OSBPL10: variants seen among roughly 807,000 people sequenced by gnomAD.
OSBPL10 encodes oxysterol-binding protein-related protein 10.
In OSBPL10, 49 loss-of-function variants were observed where a neutral mutation model predicts 81.7. The ratio of observed to expected loss-of-function variants is 0.60; its 90% CI spans 0.48 to 0.76. The LOEUF (loss-of-function observed/expected upper bound fraction) is 0.76, where lower values mean the gene tolerates loss of function less well. Among genes scored for constraint, OSBPL10 ranks in the 30% least tolerant of loss-of-function variants. OSBPL10 has a pLI of 0.00. For missense variants in OSBPL10, 923 were observed against 987.8 expected (o/e 0.93, Z 0.88); for synonymous variants, 419 against 383.6 (o/e 1.09, Z -1.08).
intron 1 of OSBPL10, among the ~76,000 whole-genome samples, chr3:31,945,309 C>T (rs1697668163): frequency 6.6e-6 from 1 of 152,070 alleles, no homozygotes; most frequent in South Asian, 2.1e-4. Flanking sequence ...GTTACAGTCC[C>T]CAAAGTCAAC....
At chr3:31,854,508 G>T (rs566940009) in intron 3 of OSBPL10, among the ~76,000 whole-genome samples, 1 of 152,074 alleles carries the variant, frequency 6.6e-6, no homozygotes, top group East Asian at 1.9e-4. Context: ...TTCTCCCAAA[G>T]AATATATACT....
chr3:31,791,128 A>AT (rs1698997342), intron 4 of OSBPL10, among the ~76,000 whole-genome samples: 1 of 152,200 alleles, frequency 6.6e-6, no homozygotes, highest in Non-Finnish European at 1.5e-5. Context: ...AAAACAAAAC[A>AT]TTTTTTGTTT....
intron 1 of OSBPL10, among the ~76,000 whole-genome samples, chr3:31,914,241 C>A (rs190572452): frequency 6.6e-6 from 1 of 152,028 alleles, no homozygotes; most frequent in Non-Finnish European, 1.5e-5. Context: ...ATTTTTAAGA[C>A]GGTCCTAACC....
At chr3:31,960,115 T>C (rs906412445) in intron 1 of OSBPL10, 4 of 152,186 alleles carry the variant, frequency 2.6e-5, no homozygotes, top group Non-Finnish European at 5.9e-5. Flanking sequence ...ATCTTAGCAC[T>C]TTGCTGAGTG....
intron 3 of OSBPL10, among the ~76,000 whole-genome samples, chr3:31,834,863 A>C (rs892551044): frequency 6.6e-6 from 1 of 152,142 alleles, no homozygotes; most frequent in Non-Finnish European, 1.5e-5. Context: ...CTGAGTTCAA[A>C]TCTGGGCTCC....
At position 31,911,810 on chromosome 3, in the gene OSBPL10, C is replaced by A. The variant is rs533460223; in HGVS notation, c.282-31980G>T. On this transcript the variant is annotated intron_variant, in intron 1 of 11. Transcript: ENST00000396556. ...AGGGAACATGCAAAAGTTAGTCATT[C>A]TCCTTCCATAAGTCTAGCTATATTA... Among the ~76,000 whole-genome samples, 81 of 152,258 alleles carry A rather than the reference C, an allele frequency of 5.3e-4. 1 individual carries two copies. In the South Asian group the frequency reaches 0.017, roughly 31 times the overall value.
At chr3:31,874,490 C>A (rs72851815) in intron 3 of OSBPL10, among the ~76,000 whole-genome samples, 2,809 of 152,102 alleles carry the variant, frequency 0.018, 85 homozygotes, top group African/African-American at 0.064. Flanking sequence ...CAAAAAAAAT[C>A]CTTTGTACAC....
At chr3:31,881,377 A>G (rs1305414036) in intron 1 of OSBPL10, among the ~76,000 whole-genome samples, 1 of 152,184 alleles carries the variant, frequency 6.6e-6, no homozygotes, top group Admixed American at 6.5e-5. Flanking sequence ...GAGGCAATGC[A>G]ACATATTTTA....
chr3:31,795,046 A>G lies in OSBPL10; in HGVS notation c.729+34994T>C, dbSNP rs1265388153. On this transcript the variant is annotated intron_variant, in intron 4 of 11. Transcript: ENST00000396556. ...ATTACACCAGCAAGAGGCTACTCAC[A>G]ATGTAGAGAAGACAAACACTGAAAC... 5 of 203,026 alleles carry G rather than the reference A, an allele frequency of 2.5e-5. No individual in the cohort carries two copies. The East Asian group carries it at 4.5e-4, about 18-fold the overall frequency. The allele number at this position is 203,026 out of a possible 1,614,324, so 12.6% of individuals were successfully genotyped here. A position where few individuals can be genotyped will look rare whatever the true frequency, so the allele number is the denominator to read the frequency against.
At chr3:32,040,986 C>T (rs1265643876) in intron 2 of OSBPL10, among the ~76,000 whole-genome samples, 1 of 152,214 alleles carries the variant, frequency 6.6e-6, no homozygotes, top group African/African-American at 2.4e-5. Context: ...TAGAACTAGA[C>T]CTCAAGAAGC....
At position 32,066,025 on chromosome 3, in the gene OSBPL10, G is replaced by GAA. The variant is rs1458321683; in HGVS notation, n.185+11370_185+11371insTT. On this transcript the variant is annotated intron_variant and non_coding_transcript_variant, in intron 1 of 3. Transcript: ENST00000479173. The stretch of plus-strand genomic sequence containing the variant: ...AAAGAAAGAGAAAGAAAGAAAGAAA[G>GAA]AGAGAGAGAGAGAAAGAGAAAGAGA... 9.4e-4 allele frequency among the ~76,000 whole-genome samples: 59 copies of GAA among 62,686 alleles called. 7 individuals carry two copies. The highest frequency in any genetic ancestry group is 1.8e-3 in the African/African-American group (50 of 27,452). The allele number at this position is 62,686 out of a possible 152,430, so 41.1% of individuals were successfully genotyped here.
intron 9 of OSBPL10, among the ~76,000 whole-genome samples, chr3:31,670,337 C>A (rs1700291204): frequency 6.6e-6 from 1 of 152,232 alleles, no homozygotes; most frequent in Admixed American, 6.5e-5. Flanking sequence ...CAGACCTCTC[C>A]TTCAATTACT....
intron 3 of OSBPL10, among the ~76,000 whole-genome samples, chr3:31,870,247 G>A (rs983656278): frequency 3.3e-5 from 5 of 152,244 alleles, no homozygotes; most frequent in African/African-American, 1.2e-4. Context: ...CGGGCAGTGA[G>A]GGGCTTAGCA....
intron 3 of OSBPL10, among the ~76,000 whole-genome samples, chr3:31,854,673 G>T (rs1003986828): frequency 6.6e-6 from 1 of 151,906 alleles, no homozygotes; most frequent in African/African-American, 2.4e-5. Context: ...TCCTTTACTC[G>T]GTTTTACCAA....
chr3:31,948,757 C>T (rs1048622186), intron 1 of OSBPL10, among the ~76,000 whole-genome samples: 6 of 152,140 alleles, frequency 3.9e-5, no homozygotes, highest in Non-Finnish European at 4.4e-5. Context: ...GGAAAAGGCC[C>T]CCAAATCAAG....
intron 1 of OSBPL10, among the ~76,000 whole-genome samples, chr3:31,896,670 G>A (rs986104065): frequency 1.3e-5 from 2 of 152,242 alleles, no homozygotes; most frequent in Non-Finnish European, 2.9e-5. Flanking sequence ...GGGCAGATAA[G>A]CAGAAGCACC....
chr3:32,013,748 A>C (rs1645271262), intron 2 of OSBPL10, among the ~76,000 whole-genome samples: 1 of 152,258 alleles, frequency 6.6e-6, no homozygotes, highest in Non-Finnish European at 1.5e-5. Flanking sequence ...TGCAATAAAA[A>C]ATGATAAAGT....
At chr3:31,717,534 A>G (rs1327959720) in intron 6 of OSBPL10, among the ~76,000 whole-genome samples, 2 of 152,352 alleles carry the variant, frequency 1.3e-5, no homozygotes, top group South Asian at 4.1e-4. Flanking sequence ...CGAAACTACC[A>G]CAGCCCTTAA....
At chr3:31,980,426 T>C (rs1317491479) in intron 1 of OSBPL10, among the ~76,000 whole-genome samples, 3 of 152,202 alleles carry the variant, frequency 2.0e-5, no homozygotes, top group African/African-American at 7.2e-5. Flanking sequence ...GGTGGTGGTG[T>C]TCTGAAACAC....
Sources: gnomAD v4.1 joint callset for allele counts (sites outside exome capture counted in the v4.1 genomes callset) on GRCh38, gnomAD v4.1.1 for gene constraint, MANE v1.5 for transcripts, NCBI Gene and HGNC (gene_info 2026-07-23, HGNC 2026-07-21) for gene names.